DKK2: variants seen among roughly 807,000 people sequenced by gnomAD.
The protein encoded by DKK2 is dickkopf Wnt signaling pathway inhibitor 2.
In DKK2, 11 loss-of-function variants were observed where a neutral mutation model predicts 28.1. The observed-to-expected ratio is 0.39, with a 90% CI of 0.25 to 0.65. The LOEUF (loss-of-function observed/expected upper bound fraction) is 0.65. DKK2 is among the 30% of genes least tolerant of loss of function. The pLI is 0.47. For synonymous variants in DKK2, 135 were observed against 126.5 expected, an observed-to-expected ratio of 1.07 and a Z score of -0.45; for missense variants, 326 against 335.5, an observed-to-expected ratio of 0.97 and a Z score of 0.22.
chr4:106,988,201 T>G (rs1353536621), intron 1 of DKK2, among the ~76,000 whole-genome samples: 2 of 151,980 alleles, frequency 1.3e-5, no homozygotes, highest in Non-Finnish European at 2.9e-5. Flanking sequence ...GAAACTGAGG[T>G]GTAAAGAGGT....
intron 1 of DKK2, among the ~76,000 whole-genome samples, chr4:106,957,937 A>C (rs1722625173): frequency 6.6e-6 from 1 of 150,448 alleles, no homozygotes; most frequent in African/African-American, 2.4e-5. Context: ...TTAATTAATT[A>C]ATTTTAAAAA....
In DKK2 at chr4:106,998,656, T is replaced by C. The variant is rs1050152482; in HGVS notation, c.222+36714A>G. On this transcript the variant is annotated intron_variant, in intron 1 of 3. Coordinates refer to ENST00000285311, the MANE Select transcript of DKK2 (RefSeq NM_014421.3). ...TTTCCAAAAATATACACCTAATAAATTTGTTGTCAGATTTTCTCACAATAA... is the reference window on the plus strand; with the variant it reads ...TTTCCAAAAATATACACCTAATAAACTTGTTGTCAGATTTTCTCACAATAA... 3.3e-5 allele frequency among the ~76,000 whole-genome samples: 5 copies of C among 152,316 alleles called. No individual in the cohort carries two copies. The East Asian group carries it at 9.7e-4, about 29-fold the overall frequency.
intron 1 of DKK2, among the ~76,000 whole-genome samples, chr4:107,024,191 T>A (rs1045334461): frequency 6.6e-6 from 1 of 152,110 alleles, no homozygotes; most frequent in African/African-American, 2.4e-5. Context: ...CTTAAAAATA[T>A]ACTGATATCT....
chr4:106,953,261 C>G (rs759448271), intron 1 of DKK2, among the ~76,000 whole-genome samples: 9 of 152,138 alleles, frequency 5.9e-5, no homozygotes, highest in Non-Finnish European at 1.2e-4. Context: ...GCATTGAGTG[C>G]TGGCCCTCCC....
intron 1 of DKK2, among the ~76,000 whole-genome samples, chr4:106,935,140 G>A (rs545607952): frequency 9.9e-5 from 15 of 152,236 alleles, no homozygotes; most frequent in Middle Eastern, 3.4e-3. Context: ...GAACAGCTCC[G>A]GTCTACAGCT....
At position 106,923,948 on chromosome 4, in the gene DKK2, T is replaced by C. The variant is rs779946120; in HGVS notation, c.*6A>G. ...GTCTGCAATTGATGATGTTCCTCAA[T>C]GGTGATCAAATTTTCTGACACACAT... On this transcript the variant is annotated 3_prime_UTR_variant, in exon 4 of 4. Coordinates refer to ENST00000285311, the MANE Select transcript of DKK2 (RefSeq NM_014421.3). 6 of 1,613,196 alleles carry C rather than the reference T, an allele frequency of 3.7e-6. No individual in the cohort carries two copies. The highest frequency in any genetic ancestry group is 3.3e-5 in the South Asian group (3 of 91,082).
At chr4:106,940,186 G>T (rs1415011369) in intron 1 of DKK2, among the ~76,000 whole-genome samples, 1 of 152,160 alleles carries the variant, frequency 6.6e-6, no homozygotes, top group African/African-American at 2.4e-5. Context: ...TGCAAAATGG[G>T]AGAAAATTTT....
intron 1 of DKK2, among the ~76,000 whole-genome samples, chr4:106,992,621 A>C (rs1723220220): frequency 6.6e-6 from 1 of 152,238 alleles, no homozygotes; most frequent in African/African-American, 2.4e-5. Flanking sequence ...GCTTTTACTA[A>C]GCCAATATGA....
chr4:106,970,223 CTG>C (rs1419700041), intron 1 of DKK2, among the ~76,000 whole-genome samples: 32 of 152,178 alleles, frequency 2.1e-4, no homozygotes, highest in African/African-American at 7.0e-4. Flanking sequence ...AGGTAAAGAA[CTG>C]AGAACATTTT....
intron 1 of DKK2, among the ~76,000 whole-genome samples, chr4:107,010,188 G>A (rs1723496922): frequency 1.3e-5 from 2 of 151,650 alleles, no homozygotes; most frequent in African/African-American, 2.4e-5. Context: ...TATACTCATA[G>A]TATGTGATTT....
intron 1 of DKK2, among the ~76,000 whole-genome samples, chr4:107,007,122 T>A (rs1057355846): frequency 6.6e-6 from 1 of 152,158 alleles, no homozygotes; most frequent in Admixed American, 6.5e-5. Flanking sequence ...GAAAGTTTAC[T>A]TTTTTAGTTT....
intron 1 of DKK2, among the ~76,000 whole-genome samples, chr4:106,957,460 T>C (rs1490864436): frequency 2.6e-5 from 4 of 152,122 alleles, no homozygotes; most frequent in Non-Finnish European, 5.9e-5. Flanking sequence ...ACACGTATGT[T>C]TATTGTAGCA....
At chr4:107,005,981 A>G (rs1723432336) in intron 1 of DKK2, among the ~76,000 whole-genome samples, 2 of 152,202 alleles carry the variant, frequency 1.3e-5, no homozygotes, top group Non-Finnish European at 1.5e-5. Flanking sequence ...AAAACAGCTT[A>G]TCTCTACAAA....
chr4:106,943,800 A>G (rs1415982054), intron 1 of DKK2, among the ~76,000 whole-genome samples: 2 of 152,148 alleles, frequency 1.3e-5, no homozygotes, highest in East Asian at 3.9e-4. Flanking sequence ...TGCCCCAGCA[A>G]TAATGATTCC....
At chr4:106,968,320 C>A (rs577415362) in intron 1 of DKK2, among the ~76,000 whole-genome samples, 2 of 152,178 alleles carry the variant, frequency 1.3e-5, no homozygotes, top group South Asian at 4.2e-4. Flanking sequence ...CCAAAACATC[C>A]CAGGTAATCT....
At chr4:106,996,085 A>G (rs1202104863) in intron 1 of DKK2, among the ~76,000 whole-genome samples, 6 of 152,196 alleles carry the variant, frequency 3.9e-5, no homozygotes, top group African/African-American at 1.4e-4. Flanking sequence ...GCAACAACAA[A>G]AAGTCTACAT....
At chr4:107,019,773 A>C (rs528395285) in intron 1 of DKK2, among the ~76,000 whole-genome samples, 2 of 152,170 alleles carry the variant, frequency 1.3e-5, no homozygotes, top group East Asian at 3.9e-4. Context: ...TAACTACAGA[A>C]TATCACTCCC....
intron 1 of DKK2, among the ~76,000 whole-genome samples, chr4:106,994,472 TCA>T (rs370290133): frequency 1.4e-5 from 2 of 144,940 alleles, no homozygotes; most frequent in African/African-American, 5.1e-5. Flanking sequence ...TTTCTCTCTC[TCA>T]CACACACACA....
intron 1 of DKK2, among the ~76,000 whole-genome samples, chr4:107,012,535 A>ACT (rs1378705766): frequency 1.3e-5 from 2 of 151,252 alleles, no homozygotes; most frequent in Non-Finnish European, 3.0e-5. Context: ...GGTAAGAAGT[A>ACT]CTCAAAATAG....
Sources: gnomAD v4.1 joint callset for allele counts (sites outside exome capture counted in the v4.1 genomes callset) on GRCh38, gnomAD v4.1.1 for gene constraint, MANE v1.5 for transcripts, NCBI Gene and HGNC (gene_info 2026-07-23, HGNC 2026-07-21) for gene names.